The following PAM variants were observed in gnomAD, a reference collection of about 807,000 sequenced individuals.
The protein encoded by PAM is peptidyl-glycine alpha-amidating monooxygenase.
Under a neutral mutation model 122.1 loss-of-function variants are expected in PAM, and 72 were observed. The observed-to-expected ratio is 0.59, with a 90% CI of 0.49 to 0.72. The LOEUF is 0.72. Ranked by LOEUF, PAM falls within the 30% of genes least tolerant of loss-of-function variation. The probability of loss-of-function intolerance (pLI) is 0.00; values close to 1 mark genes in which losing one functional copy is unlikely to be tolerated. For synonymous variants in PAM, 389 were observed against 404.4 expected, an observed-to-expected ratio of 0.96 and a Z score of 0.46; for missense variants, 1,106 against 1,183.7, an observed-to-expected ratio of 0.93 and a Z score of 0.96.
intron 3 of PAM, among the ~76,000 whole-genome samples, chr5:102,874,006 T>C (rs1302383234): frequency 6.6e-6 from 1 of 152,162 alleles, no homozygotes; most frequent in Non-Finnish European, 1.5e-5. Flanking sequence ...AATTACAAGA[T>C]TTGTGAAGAG....
At chr5:102,869,571 ACT>A (rs1247686366) in intron 3 of PAM, among the ~76,000 whole-genome samples, 3 of 151,558 alleles carry the variant, frequency 2.0e-5, no homozygotes, top group Admixed American at 6.6e-5. Context: ...TTTTCCCATC[ACT>A]CTCTGTTGAC....
intron 3 of PAM, among the ~76,000 whole-genome samples, chr5:102,882,110 T>TATATATATACAC (rs1561748160): frequency 2.9e-5 from 3 of 103,792 alleles, no homozygotes; most frequent in African/African-American, 1.2e-4. Context: ...TATATATATA[T>TATATATATACAC]ACACCACATT....
At chr5:102,967,818 A>G (rs1764575446) in intron 14 of PAM, among the ~76,000 whole-genome samples, 1 of 150,530 alleles carries the variant, frequency 6.6e-6, no homozygotes, top group Admixed American at 6.7e-5. Flanking sequence ...CACCTCCCAG[A>G]TTCAAGCAAT....
chr5:103,030,213 A>G (rs1046872648), downstream of PAM: 37 of 152,222 alleles, frequency 2.4e-4, no homozygotes, highest in Non-Finnish European at 1.5e-4. Flanking sequence ...GCTATGATCA[A>G]TCCACTGTAC....
intron 3 of PAM, among the ~76,000 whole-genome samples, chr5:102,869,382 T>C (rs1361651862): frequency 3.4e-5 from 5 of 146,840 alleles, no homozygotes; most frequent in Non-Finnish European, 4.4e-5. Flanking sequence ...TGCAGAGAGA[T>C]TGAAAGAATG....
intron 1 of PAM, among the ~76,000 whole-genome samples, chr5:102,770,959 C>T (rs564515612): frequency 2.3e-4 from 35 of 151,876 alleles, no homozygotes; most frequent in African/African-American, 7.5e-4. Context: ...CTAGGTTTTT[C>T]GTTTGTTTGT....
chr5:102,875,225 A>C (rs1233018899), intron 3 of PAM, among the ~76,000 whole-genome samples: 1 of 151,762 alleles, frequency 6.6e-6, no homozygotes, highest in African/African-American at 2.4e-5. Context: ...GTAGGATCTC[A>C]CTGTGTCACC....
At chr5:102,869,940 GA>G (rs1459779793) in intron 3 of PAM, among the ~76,000 whole-genome samples, 1 of 150,042 alleles carries the variant, frequency 6.7e-6, no homozygotes, top group Non-Finnish European at 1.5e-5. Context: ...AAAACAAAAT[GA>G]AAAAAAGGTC....
At chr5:102,754,968 C>A (rs1047046242), upstream of PAM, 1 of 152,198 alleles carries the variant, frequency 6.6e-6, no homozygotes, top group African/African-American at 2.4e-5. Flanking sequence ...ACCCAGCACA[C>A]GCGACCCCCG....
chr5:102,998,643 T>C (rs909917373), intron 16 of PAM, among the ~76,000 whole-genome samples: 2 of 152,168 alleles, frequency 1.3e-5, no homozygotes, highest in Non-Finnish European at 2.9e-5. Context: ...AGTGATGTTA[T>C]ATATAGTTTT....
intron 6 of PAM, 50 bp from the exon 7 acceptor site, chr5:102,926,535 C>A: frequency 2.0e-6 from 2 of 995,850 alleles, no homozygotes; most frequent in East Asian, 4.8e-5. Context: ...GAGATTAACT[C>A]CATTTTAGAT....
At chr5:102,987,117 T>C (rs1408720548) in intron 15 of PAM, among the ~76,000 whole-genome samples, 1 of 152,102 alleles carries the variant, frequency 6.6e-6, no homozygotes, top group Non-Finnish European at 1.5e-5. Context: ...TGCAATACTA[T>C]TTACAGTAGC....
chr5:102,832,085 A>T (rs570199242), intron 1 of PAM, among the ~76,000 whole-genome samples: 1 of 152,314 alleles, frequency 6.6e-6, no homozygotes, highest in East Asian at 1.9e-4. Flanking sequence ...TCAGAATCTG[A>T]AAATTCAGAA....
intron 3 of PAM, among the ~76,000 whole-genome samples, chr5:102,879,176 C>T (rs1790186955): frequency 2.6e-5 from 4 of 152,100 alleles, no homozygotes; most frequent in South Asian, 2.1e-4. Flanking sequence ...GTGATCTGCC[C>T]GCTTCGGCCT....
At chr5:102,769,343 G>A (rs1178339741) in intron 1 of PAM, among the ~76,000 whole-genome samples, 1 of 152,064 alleles carries the variant, frequency 6.6e-6, no homozygotes, top group African/African-American at 2.4e-5. Flanking sequence ...CTGTGCAGAA[G>A]CTTTTTGACT....
intron 21 of PAM, among the ~76,000 whole-genome samples, chr5:103,016,267 T>C (rs1009854489): frequency 6.6e-6 from 1 of 152,224 alleles, no homozygotes; most frequent in African/African-American, 2.4e-5. Flanking sequence ...CCAGAGCATG[T>C]ATTCTTCTGC....
intron 15 of PAM, among the ~76,000 whole-genome samples, chr5:102,983,862 C>T (rs1026346199): frequency 2.0e-5 from 3 of 152,134 alleles, no homozygotes; most frequent in Admixed American, 6.5e-5. Context: ...CCTTACAGAT[C>T]GGGAGACAGT....
In PAM at chr5:102,898,378, T is replaced by A. The variant is rs959373735; in HGVS notation, c.211-2978T>A. 5.9e-5 allele frequency among the ~76,000 whole-genome samples: 9 copies of A among 151,558 alleles called. No individual in the cohort carries two copies. In the South Asian group the frequency reaches 1.9e-3, roughly 32 times the overall value. On this transcript the variant is annotated intron_variant, in intron 3 of 25. Transcript: ENST00000438793. ...AGAAAAAGAGGATTCATGATGATGATAAATGGAAAATTGTGAATGGTTGTG... is the reference window on the plus strand; with the variant it reads ...AGAAAAAGAGGATTCATGATGATGAAAAATGGAAAATTGTGAATGGTTGTG...
intron 21 of PAM, among the ~76,000 whole-genome samples, chr5:103,013,708 T>C (rs1781256516): frequency 6.6e-6 from 1 of 152,176 alleles, no homozygotes; most frequent in Non-Finnish European, 1.5e-5. Context: ...ATGCATTAAA[T>C]ACTTACTCTG....
Sources: allele counts gnomAD v4.1 joint callset (sites outside exome capture counted in the v4.1 genomes callset), GRCh38; gene constraint gnomAD v4.1.1; transcripts MANE v1.5; gene names NCBI Gene and HGNC (gene_info 2026-07-23, HGNC 2026-07-21).